Variants in ADAM20 observed in about 807,000 individuals in gnomAD.
ADAM20 encodes the protein ADAM metallopeptidase domain 20.
For missense variants in ADAM20, 871 were observed against 883.2 expected (o/e 0.99, Z 0.18); for synonymous variants, 305 against 310.2 (o/e 0.98, Z 0.18).
At chr14:70,529,421 G>C (rs1454858075) in intron 1 of ADAM20, among the ~76,000 whole-genome samples, 2 of 152,086 alleles carry the variant, frequency 1.3e-5, no homozygotes, top group African/African-American at 2.4e-5. Context: ...CTTAACAATG[G>C]AGACAAATTC....
chr14:70,565,258 G>A, the ADAM20 span, among the ~76,000 whole-genome samples: 1 of 151,164 alleles, frequency 6.6e-6, no homozygotes, highest in African/African-American at 2.4e-5. Context: ...ATGAAAAGAA[G>A]TGAAGAAATC....
At chr14:70,566,946 C>T in the ADAM20 span, among the ~76,000 whole-genome samples, 1 of 152,022 alleles carries the variant, frequency 6.6e-6, no homozygotes, top group Admixed American at 6.6e-5. Flanking sequence ...CATGCCATTG[C>T]AATCCAGCCT....
In ADAM20 at chr14:70,524,193, A is replaced by C; in HGVS notation, c.565T>G (p.Ser189Ala). The change falls in exon 2 of 2, where the codon TCA becomes GCA. Residue 189 changes from serine (S) to alanine (A), a missense_variant. Coordinates refer to ENST00000256389, the MANE Select transcript of ADAM20 (RefSeq NM_003814.5). ...KIAHQMELQL[S>A]YNFTLKQSSF... ...CTTTGCTTCAGAGTGAAATTATATG[A>C]CAATTGCAACTCCATCTGGTGTGCT... 6.2e-7 allele frequency: 1 copy of C among 1,613,910 alleles called. No homozygotes were observed. Among genetic ancestry groups the C allele is most frequent in the South Asian group, 1.1e-5 (1 of 91,072 alleles).
the ADAM20 span, among the ~76,000 whole-genome samples, chr14:70,542,278 T>G: frequency 4.2e-3 from 641 of 152,338 alleles, 4 homozygotes; most frequent in Middle Eastern, 0.01. Flanking sequence ...ATATATAAGT[T>G]CAATACGAAT....
At chr14:70,553,535 A>C in the ADAM20 span, among the ~76,000 whole-genome samples, 1 of 148,948 alleles carries the variant, frequency 6.7e-6, no homozygotes, top group East Asian at 1.9e-4. Flanking sequence ...TAAAAAAAAA[A>C]AAAAAAAAAA....
At chr14:70,539,437 C>T (rs796497775), upstream of ADAM20, among the ~76,000 whole-genome samples, 7 of 152,300 alleles carry the variant, frequency 4.6e-5, no homozygotes, top group African/African-American at 7.2e-5. Flanking sequence ...TATAAATGGA[C>T]GCATGAGGGG....
chr14:70,567,256 C>G, the ADAM20 span, among the ~76,000 whole-genome samples: 2 of 152,262 alleles, frequency 1.3e-5, no homozygotes, highest in South Asian at 4.1e-4. Context: ...GTCATCACAC[C>G]ACCAGAACCC....
chr14:70,524,365 GC>G lies in ADAM20; in HGVS notation c.392del (p.Gly131AlafsTer8). ...SLVALSTCSG[G>X]FLGMLQINDL... ...CATTTATCTGTAGCATTCCAAGAAAGCCCCCAGAACAGGTACTAAGGGCAAC... is the reference window on the plus strand; with the variant it reads ...CATTTATCTGTAGCATTCCAAGAAAGCCCCAGAACAGGTACTAAGGGCAAC... On this transcript the variant is annotated frameshift_variant, in exon 2 of 2. Coordinates refer to ENST00000256389, the MANE Select transcript of ADAM20 (RefSeq NM_003814.5). LOFTEE classifies it low-confidence loss of function (END_TRUNC). 1 of 1,613,932 alleles carries G rather than the reference GC, an allele frequency of 6.2e-7. No individual in the cohort carries two copies. Among genetic ancestry groups the G allele is most frequent in the Non-Finnish European group, 8.5e-7 (1 of 1,179,924 alleles).
chr14:70,542,794 C>T, the ADAM20 span, among the ~76,000 whole-genome samples: 28 of 152,152 alleles, frequency 1.8e-4, no homozygotes, highest in African/African-American at 6.5e-4. Flanking sequence ...CAAAACTTAG[C>T]TGGGCGTGAT....
chr14:70,566,088 CA>C, the ADAM20 span, among the ~76,000 whole-genome samples: 3 of 152,080 alleles, frequency 2.0e-5, no homozygotes, highest in Non-Finnish European at 2.9e-5. Flanking sequence ...CAAGTTGAAA[CA>C]AAAAGACACT....
At chr14:70,527,615 T>C (rs1188358560) in intron 1 of ADAM20, among the ~76,000 whole-genome samples, 1 of 152,060 alleles carries the variant, frequency 6.6e-6, no homozygotes, top group Non-Finnish European at 1.5e-5. Flanking sequence ...AAAAAACAAA[T>C]ATAAGAACTG....
the ADAM20 span, among the ~76,000 whole-genome samples, chr14:70,561,106 T>C: frequency 1.3e-5 from 2 of 152,198 alleles, no homozygotes. Context: ...TATAGTGATA[T>C]GAACTATGAA....
At chr14:70,573,494 G>A in the ADAM20 span, among the ~76,000 whole-genome samples, 1 of 151,920 alleles carries the variant, frequency 6.6e-6, no homozygotes, top group Non-Finnish European at 1.5e-5. Flanking sequence ...TTATTATTTG[G>A]GTGATGGGTT....
the ADAM20 span, among the ~76,000 whole-genome samples, chr14:70,553,875 C>G: frequency 1.3e-4 from 20 of 152,156 alleles, no homozygotes; most frequent in Non-Finnish European, 2.9e-4. Context: ...AGGTCTGGAA[C>G]ACGACAAGGA....
chr14:70,530,544 G>T (rs1288795751), intron 1 of ADAM20, among the ~76,000 whole-genome samples: 1 of 152,018 alleles, frequency 6.6e-6, no homozygotes, highest in Admixed American at 6.6e-5. Flanking sequence ...GTAATGCATA[G>T]GTTTGTTTAC....
At chr14:70,549,154 G>A in the ADAM20 span, among the ~76,000 whole-genome samples, 1,970 of 89,448 alleles carry the variant, frequency 0.022, 103 homozygotes, top group African/African-American at 0.093. Flanking sequence ...CCTGAAGGAA[G>A]CGCTAAACAT....
chr14:70,578,000 C>G, the ADAM20 span, among the ~76,000 whole-genome samples: 17 of 152,014 alleles, frequency 1.1e-4, no homozygotes, highest in Non-Finnish European at 2.2e-4. Flanking sequence ...ACCAAAAGCA[C>G]AGGTAATAGA....
upstream of ADAM20, among the ~76,000 whole-genome samples, chr14:70,538,182 T>C (rs1195940677): frequency 1.3e-5 from 2 of 151,698 alleles, no homozygotes; most frequent in African/African-American, 4.8e-5. Context: ...ATCCCACTCC[T>C]CCTCCTTCTC....
At chr14:70,546,736 T>A in the ADAM20 span, among the ~76,000 whole-genome samples, 38 of 151,934 alleles carry the variant, frequency 2.5e-4, no homozygotes, top group Non-Finnish European at 5.0e-4. Flanking sequence ...AACCTAACAA[T>A]GCATCTTAAA....
Sources: gnomAD v4.1 joint callset for allele counts (sites outside exome capture counted in the v4.1 genomes callset) on GRCh38, gnomAD v4.1.1 for gene constraint, MANE v1.5 for transcripts, NCBI Gene and HGNC (gene_info 2026-07-23, HGNC 2026-07-21) for gene names.